THBS4: variants seen among roughly 807,000 people sequenced by gnomAD.
THBS4 encodes the protein thrombospondin-4.
THBS4 carries 90 observed loss-of-function variants against 115.7 expected under a neutral mutation model. The observed-to-expected ratio is 0.78, with a 90% CI of 0.66 to 0.93. The LOEUF (loss-of-function observed/expected upper bound fraction) is 0.93, where lower values mean the gene tolerates loss of function less well. Ranked by LOEUF, THBS4 falls within the 40% of genes least tolerant of loss-of-function variation. THBS4 has a pLI of 0.00. For missense variants in THBS4, 1,087 were observed against 1,232.7 expected (o/e 0.88, Z 1.77); for synonymous variants, 460 against 479.3 (o/e 0.96, Z 0.53).
rs754468309 is a variant in THBS4, at chr5:80,058,731, G to A, written c.673G>A (p.Gly225Ser). 2.5e-6 allele frequency: 4 copies of A among 1,613,968 alleles called. No individual in the cohort carries two copies. Among genetic ancestry groups the A allele is most frequent in the Non-Finnish European group, 3.4e-6 (4 of 1,180,022 alleles). ...AGGGGACTTTAACCGGCAGTTCTTG[G>A]GTCAAATGACACAATTAAACCAACT... ...GTGDFNRQFL[G>S]QMTQLNQLLG... The change falls in exon 5 of 22, where the codon GGT (glycine) becomes AGT (serine). Residue 225 changes from glycine (G) to serine (S), a missense_variant. By Grantham distance (56) the Gly-to-Ser change is moderately conservative. Coordinates refer to ENST00000350881, the MANE Select transcript of THBS4 (RefSeq NM_003248.6).
chr5:80,000,855 TAGA>T (rs971657325), intron 2 of THBS4, among the ~76,000 whole-genome samples: 7 of 152,152 alleles, frequency 4.6e-5, no homozygotes, highest in African/African-American at 1.7e-4. Flanking sequence ...GGAATTGTGG[TAGA>T]AGCTTCCTGA....
intron 2 of THBS4, among the ~76,000 whole-genome samples, chr5:79,998,787 CCAG>C (rs1831846945): frequency 6.6e-6 from 1 of 152,090 alleles, no homozygotes; most frequent in South Asian, 2.1e-4. Flanking sequence ...CATGAAATAT[CCAG>C]AGCATTCAAC....
At chr5:80,015,066 A>G (rs1832220398) in intron 2 of THBS4, among the ~76,000 whole-genome samples, 1 of 152,272 alleles carries the variant, frequency 6.6e-6, no homozygotes, top group South Asian at 2.1e-4. Context: ...TCTGGTAAGA[A>G]ATCTTTTAAT....
chr5:80,035,733 CCT>C lies in THBS4; in HGVS notation c.88+113_88+114del. ...TGTGCTCCTGTGGCCTTGCTCAGCC[CCT>C]CTCTGTCCCTCCCGGGCCCAATCAA... On this transcript the variant is annotated intron_variant, in intron 1 of 21. Transcript: ENST00000350881. The surrounding 1 kb of genome is among the most constrained non-coding windows in gnomAD (Gnocchi z 4.6). The C allele has an allele frequency of 1.4e-6, 1 of 726,934 alleles. No homozygotes were observed. Among genetic ancestry groups the C allele is most frequent in the African/African-American group, 1.8e-5 (1 of 54,834 alleles). 45.0% of individuals were successfully genotyped at this position (726,934 alleles called of 1,614,324 possible).
At position 80,068,059 on chromosome 5, in the gene THBS4, A is replaced by G; in HGVS notation, c.1281A>G (p.Pro427=). ...AAGCGGAAAGAAACTGCAGAAACCC[A>G]GAGCTGAACCCTTGCAGTGTGAATG... The part of the protein sequence containing the change: ...GCKAERNCRN[P]ELNPCSVNAQ... The change falls in exon 10 of 22, where the codon CCA becomes CCG. Residue 427 remains proline, a synonymous_variant. Coordinates refer to ENST00000350881, the MANE Select transcript of THBS4 (RefSeq NM_003248.6). 1 of 1,614,226 alleles carries G rather than the reference A, an allele frequency of 6.2e-7. No individual in the cohort carries two copies. The highest frequency in any genetic ancestry group is 8.5e-7 in the Non-Finnish European group (1 of 1,180,046).
At chr5:80,000,552 A>G (rs1831878253) in intron 2 of THBS4, among the ~76,000 whole-genome samples, 1 of 152,098 alleles carries the variant, frequency 6.6e-6, no homozygotes, top group Non-Finnish European at 1.5e-5. Context: ...ACAGCCTTCC[A>G]TTTCCCAGCT....
At chr5:80,054,573 C>G (rs1310194253) in intron 2 of THBS4, among the ~76,000 whole-genome samples, 4 of 152,164 alleles carry the variant, frequency 2.6e-5, no homozygotes, top group African/African-American at 4.8e-5. Context: ...CCCACCTCAG[C>G]CTCCCAAAGT....
intron 2 of THBS4, among the ~76,000 whole-genome samples, chr5:80,023,233 ACTCTATTTGTCTC>A (rs1832413043): frequency 1.3e-5 from 2 of 151,942 alleles, no homozygotes; most frequent in South Asian, 4.2e-4. Flanking sequence ...CAGCCCTTGA[ACTCTATTTGTCTC>A]ATCTCTACAT....
chr5:80,056,489 G>A (rs987719069), intron 3 of THBS4, among the ~76,000 whole-genome samples: 1 of 152,202 alleles, frequency 6.6e-6, no homozygotes, highest in African/African-American at 2.4e-5. Flanking sequence ...CACAGGTCTT[G>A]TCAGAACATC....
chr5:80,034,373 T>C (rs550502021), upstream of THBS4, among the ~76,000 whole-genome samples: 73 of 152,346 alleles, frequency 4.8e-4, no homozygotes, highest in African/African-American at 1.7e-3. Flanking sequence ...TATTAAACTT[T>C]GAAATGGAAT....
chr5:80,034,824 G>A (rs1055901612), upstream of THBS4, among the ~76,000 whole-genome samples: 4 of 152,152 alleles, frequency 2.6e-5, no homozygotes, highest in African/African-American at 9.7e-5. Context: ...TTCAAGAAAA[G>A]CTTGAAGAAA....
At chr5:79,997,305 T>C (rs998048031) in intron 1 of THBS4, among the ~76,000 whole-genome samples, 11 of 151,878 alleles carry the variant, frequency 7.2e-5, no homozygotes, top group African/African-American at 2.7e-4. Context: ...CCTTCAAACA[T>C]GACATTGGTA....
At chr5:80,074,787 A>G (rs1743113583) in intron 15 of THBS4, among the ~76,000 whole-genome samples, 1 of 151,920 alleles carries the variant, frequency 6.6e-6, no homozygotes, top group Non-Finnish European at 1.5e-5. Flanking sequence ...TAATTTTTGT[A>G]TTTTTAGTAG....
chr5:80,003,262 T>C (rs1452886987), intron 2 of THBS4, among the ~76,000 whole-genome samples: 1 of 152,128 alleles, frequency 6.6e-6, no homozygotes, highest in Non-Finnish European at 1.5e-5. Flanking sequence ...CTACAAACAT[T>C]TCATAAACTT....
At chr5:80,022,997 A>T (rs531311055) in intron 2 of THBS4, among the ~76,000 whole-genome samples, 1 of 152,292 alleles carries the variant, frequency 6.6e-6, no homozygotes, top group African/African-American at 2.4e-5. Flanking sequence ...ATAACTGAGT[A>T]GGTTATCATC....
rs80282415 is a variant in THBS4 at position 80,014,232 on chromosome 5, G to T, written n.177+15805G>T. Among the ~76,000 whole-genome samples, 1,052 of 152,310 alleles carry T rather than the reference G, an allele frequency of 6.9e-3. 6 individuals carry two copies. Among genetic ancestry groups the T allele is most frequent in the Middle Eastern group, 0.014 (4 of 294 alleles). On this transcript the variant is annotated intron_variant and non_coding_transcript_variant, in intron 2 of 3. Coordinates refer to the THBS4 transcript ENST00000510218. ...CAAACTTTGCTTTAAATGCTGCCCA[G>T]CTTTGGAATCTCACAGTGTCCAAAG...
upstream of THBS4, among the ~76,000 whole-genome samples, chr5:80,032,021 G>A (rs980287690): frequency 1.3e-5 from 2 of 152,030 alleles, no homozygotes; most frequent in Non-Finnish European, 2.9e-5. Context: ...ATCCTAAGGA[G>A]CTCACAGTTG....
chr5:80,009,637 C>T (rs1162038296), intron 2 of THBS4, among the ~76,000 whole-genome samples: 1 of 142,146 alleles, frequency 7.0e-6, no homozygotes, highest in African/African-American at 2.6e-5. Flanking sequence ...ATCAAATCTA[C>T]TTCCAATGAA....
At chr5:80,080,635 G>GA in intron 20 of THBS4, among the ~76,000 whole-genome samples, 1 of 134,200 alleles carries the variant, frequency 7.5e-6, no homozygotes, top group East Asian at 2.4e-4. Flanking sequence ...TTGCCAGGCA[G>GA]GAGTACTGTG....
Sources: allele counts gnomAD v4.1 joint callset (sites outside exome capture counted in the v4.1 genomes callset), GRCh38; gene constraint gnomAD v4.1.1; non-coding constraint Gnocchi (gnomAD v3.1); transcripts MANE v1.5; gene names NCBI Gene and HGNC (gene_info 2026-07-23, HGNC 2026-07-21).